Variants in ZNF76 observed in about 807,000 individuals in gnomAD.
ZNF76 encodes the protein zinc finger protein 76.
In ZNF76, 66 loss-of-function variants were observed where a neutral mutation model predicts 66.9. The observed-to-expected ratio is 0.99, with a 90% CI of 0.81 to 1.21. The LOEUF is 1.21. Ranked by LOEUF, ZNF76 falls within the 50% of genes most tolerant of loss-of-function variation. The probability of loss-of-function intolerance (pLI) is 0.00; values close to 1 mark genes in which losing one functional copy is unlikely to be tolerated. For synonymous variants in ZNF76, 275 were observed against 296.1 expected (o/e 0.93, Z 0.73); for missense variants, 729 against 760.3 (o/e 0.96, Z 0.48).
chr6:35,281,271 C>T (rs1477681777), intron 2 of ZNF76, 47 bp downstream of exon 2: 4 of 1,581,240 alleles, frequency 2.5e-6, no homozygotes, highest in Non-Finnish European at 3.5e-6. Flanking sequence ...CCCTCAGCCT[C>T]TGGAAAGGAG....
chr6:35,260,003 G>C (rs1449473934), intron 1 of ZNF76, among the ~76,000 whole-genome samples, 162 bp downstream of exon 1: 3 of 151,114 alleles, frequency 2.0e-5, no homozygotes, highest in Admixed American at 6.6e-5. Context: ...CCCACCCAGG[G>C]TCCCTGCCCC....
rs2150368520 is a variant in ZNF76 at position 35,287,429 on chromosome 6, G to A, written c.233-217G>A. ...CCCCTGTCAGGTCCTCAAGGAGCTT[G>A]TGAGTTCCCATTTAGTGTACCATAG... On this transcript the variant is annotated intron_variant, in intron 4 of 13. Coordinates refer to ENST00000373953, the MANE Select transcript of ZNF76 (RefSeq NM_003427.5). The surrounding 1 kb of genome is among the most constrained non-coding windows in gnomAD (Gnocchi z 4.0). Among the ~76,000 whole-genome samples, 1 of 152,166 alleles carries A rather than the reference G, an allele frequency of 6.6e-6. No individual in the cohort carries two copies. Among genetic ancestry groups the A allele is most frequent in the East Asian group, 1.9e-4 (1 of 5,196 alleles).
At chr6:35,284,104 T>G (rs1789172751) in intron 2 of ZNF76, among the ~76,000 whole-genome samples, 1 of 152,194 alleles carries the variant, frequency 6.6e-6, no homozygotes, top group African/African-American at 2.4e-5. Context: ...CTTCCTTTTT[T>G]TTTTTGAGAC....
Position 35,287,520 on chromosome 6 carries a change from G to A in ZNF76, c.233-126G>A, listed in dbSNP as rs1789735791. 2.4e-6 allele frequency: 2 copies of A among 838,938 alleles called. No individual in the cohort carries two copies. Among genetic ancestry groups the A allele is most frequent in the Non-Finnish European group, 1.8e-6 (1 of 546,742 alleles). The allele number at this position is 838,938 out of a possible 1,614,324, so 52.0% of individuals were successfully genotyped here. ...CAGCAAGAGTGAATCACAAAGTGAA[G>A]GGCCATGAGAAATTGGATGTTGAAA... On this transcript the variant is annotated intron_variant, in intron 4 of 13. Transcript: ENST00000373953. This position sits in a 1 kb window ranked among gnomAD's most constrained non-coding sequence, Gnocchi z 4.0.
At chr6:35,277,128 T>C (rs557204891) in intron 1 of ZNF76, among the ~76,000 whole-genome samples, 7 of 152,258 alleles carry the variant, frequency 4.6e-5, no homozygotes, top group African/African-American at 1.7e-4. Flanking sequence ...GTTTCTCTTA[T>C]GTGTCTTCTG....
intron 2 of ZNF76, among the ~76,000 whole-genome samples, 170 bp from the exon 3 acceptor site, chr6:35,285,958 C>T (rs1449667728): frequency 6.6e-6 from 1 of 152,204 alleles, no homozygotes; most frequent in Non-Finnish European, 1.5e-5. Context: ...CTTAGTGTCT[C>T]AAGGCCCAGG....
In ZNF76 at chr6:35,291,392, G is replaced by A. The variant is rs764152482; in HGVS notation, c.740G>A (p.Arg247His). 1.2e-5 allele frequency: 19 copies of A among 1,614,028 alleles called. No homozygotes were observed. Among genetic ancestry groups the A allele is most frequent in the Non-Finnish European group, 1.4e-5 (17 of 1,180,022 alleles). ...TCAGGAGACCTGCAGAAGCATGTCC[G>A]TACCCACACTGGTATGCTGGGCCCT... Reference protein sequence around the residue: ...KTSGDLQKHVRTHTGERPFQC... With the variant: ...KTSGDLQKHVHTHTGERPFQC... Residue 247 changes from arginine (R) to histidine (H), a missense_variant, in exon 8 of 14, where the codon CGT becomes CAT. Transcript: ENST00000373953.
At chr6:35,268,663 G>A (rs1259229764) in intron 1 of ZNF76, among the ~76,000 whole-genome samples, 2 of 151,862 alleles carry the variant, frequency 1.3e-5, no homozygotes, top group Non-Finnish European at 2.9e-5. Flanking sequence ...AGCTGGGCAT[G>A]GTGGCGTGCA....
intron 1 of ZNF76, among the ~76,000 whole-genome samples, chr6:35,276,366 C>T (rs756763452): frequency 3.3e-5 from 5 of 152,166 alleles, no homozygotes; most frequent in African/African-American, 4.8e-5. Flanking sequence ...TTTAGGACTT[C>T]GTATTGCTTC....
intron 1 of ZNF76, chr6:35,279,450 C>T (rs1364163290): frequency 3.8e-5 from 4 of 104,676 alleles, no homozygotes; most frequent in East Asian, 2.7e-4. Flanking sequence ...TTTTTTGGGA[C>T]GGAGTCTCGC....
intron 2 of ZNF76, among the ~76,000 whole-genome samples, chr6:35,282,729 C>T (rs1582131541): frequency 2.0e-5 from 3 of 152,306 alleles, no homozygotes; most frequent in Non-Finnish European, 1.5e-5. Flanking sequence ...TATTTCTGCT[C>T]CTAAGTTTAC....
intron 1 of ZNF76, among the ~76,000 whole-genome samples, chr6:35,276,963 A>T (rs13192941): frequency 0.068 from 9,632 of 141,310 alleles, 434 homozygotes; most frequent in Non-Finnish European, 0.1. Flanking sequence ...TAATTTTTGT[A>T]TTTTTTTTTT....
Position 35,295,228 on chromosome 6 carries a change from G to A in ZNF76, c.1693G>A (p.Val565Met). ...AGGGGCTGTGACCCTGGAGACAACA[G>A]TGTCGGAGAGTGGCTGCTGAGTCCA... ...QQGAVTLETT[V>M]SESGC is the part of the protein sequence containing the mutation. The change falls in exon 14 of 14, where the codon GTG becomes ATG. Residue 565 changes from valine to methionine, a missense_variant. Coordinates refer to ENST00000373953, the MANE Select transcript of ZNF76 (RefSeq NM_003427.5). 1 of 1,607,566 alleles carries A rather than the reference G, an allele frequency of 6.2e-7. No individual in the cohort carries two copies. The highest frequency in any genetic ancestry group is 8.5e-7 in the Non-Finnish European group (1 of 1,177,180).
intron 1 of ZNF76, among the ~76,000 whole-genome samples, chr6:35,276,372 G>A (rs1787892456): frequency 6.6e-6 from 1 of 152,210 alleles, no homozygotes; most frequent in African/African-American, 2.4e-5. Context: ...ACTTCGTATT[G>A]CTTCAAAAGC....
chr6:35,275,958 C>T (rs1168509046), intron 1 of ZNF76, among the ~76,000 whole-genome samples: 1 of 152,106 alleles, frequency 6.6e-6, no homozygotes, highest in Non-Finnish European at 1.5e-5. Flanking sequence ...GGAAGAAGTG[C>T]GCCAGATATT....
chr6:35,280,520 C>CA lies in ZNF76; in HGVS notation c.-96-536_-96-535insA, dbSNP rs1422887380. 1.3e-3 allele frequency among the ~76,000 whole-genome samples: 158 copies of CA among 125,962 alleles called. 3 individuals are homozygous for CA. The highest frequency in any genetic ancestry group is 4.4e-3 in the African/African-American group (149 of 34,120). 82.6% of individuals were successfully genotyped at this position (125,962 alleles called of 152,430 possible). A position where few individuals can be genotyped will look rare whatever the true frequency, so the allele number is the denominator to read the frequency against. ...AAAAGGAGGACTCAAGCATGATCCC[C>CA]CCCCCCCCCGCCCTGAAGTTCTGGG... On this transcript the variant is annotated intron_variant, in intron 1 of 13. Coordinates refer to ENST00000373953, the MANE Select transcript of ZNF76 (RefSeq NM_003427.5).
intron 1 of ZNF76, among the ~76,000 whole-genome samples, chr6:35,270,122 TC>T (rs1341207847): frequency 1.3e-5 from 2 of 152,098 alleles, no homozygotes; most frequent in Non-Finnish European, 2.9e-5. Context: ...GGTAACACAT[TC>T]TCAAGGCTTT....
chr6:35,291,778 C>T lies in ZNF76; in HGVS notation c.931+41C>T, dbSNP rs114260539. 1,825 of 1,596,334 alleles carry T rather than the reference C, an allele frequency of 1.1e-3. 27 individuals carry two copies. The African/African-American group carries it at 0.022, about 19-fold the overall frequency. The stretch of plus-strand genomic sequence containing the variant: ...TGCGAGGACTACCCTCACTCAGGCC[C>T]CAACCCCTCTACTGTAGGCTTCCCA... On this transcript the variant is annotated intron_variant, in intron 9 of 13. Transcript: ENST00000373953.
intron 2 of ZNF76, among the ~76,000 whole-genome samples, chr6:35,282,968 A>G (rs895933859): frequency 6.6e-6 from 1 of 152,192 alleles, no homozygotes; most frequent in Admixed American, 6.5e-5. Context: ...CTCTGTTTGC[A>G]GACTTCCCAC....
Sources: allele counts gnomAD v4.1 joint callset (sites outside exome capture counted in the v4.1 genomes callset), GRCh38; gene constraint gnomAD v4.1.1; non-coding constraint Gnocchi (gnomAD v3.1); transcripts MANE v1.5; gene names NCBI Gene and HGNC (gene_info 2026-07-23, HGNC 2026-07-21).